Variants in TRPM5 observed in about 807,000 individuals in gnomAD.
TRPM5 encodes MLSN1 and TRP-related.
Under a neutral mutation model 124.9 loss-of-function variants are expected in TRPM5, and 121 were observed. The observed-to-expected ratio is 0.97, with a 90% CI of 0.84 to 1.13. The LOEUF (loss-of-function observed/expected upper bound fraction) is 1.13. TRPM5 is among the 50% of genes most tolerant of loss of function. The pLI, the probability that TRPM5 is intolerant of heterozygous loss-of-function variation, is 0.00. For missense variants in TRPM5, 1,643 were observed against 1,589.1 expected (o/e 1.03, Z -0.58); for synonymous variants, 781 against 700.5 (o/e 1.11, Z -1.81).
chr11:2,416,443 A>G lies in TRPM5; in HGVS notation c.1010-419T>C, dbSNP rs371495631. Among the ~76,000 whole-genome samples, 189 of 152,204 alleles carry G rather than the reference A, an allele frequency of 1.2e-3. 7 individuals carry two copies. In the South Asian group the frequency reaches 0.038, roughly 31 times the overall value. ...CTTGGTGAGGTCACCAGGGTCACTC[A>G]AGGGGGGCCTGCAGCACCTGGGCTG... On this transcript the variant is annotated intron_variant, in intron 7 of 23. Transcript: ENST00000155858.
At chr11:2,418,269 G>C in exon 6 of TRPM5, 1 of 1,582,186 alleles carries the variant, frequency 6.3e-7, no homozygotes, top group Non-Finnish European at 8.6e-7. Flanking sequence ...GGTGGGGCTG[G>C]TTCACTAGGG....
chr11:2,413,101 C>T, intron 14 of TRPM5, 33 bp downstream of exon 19: 1 of 1,549,650 alleles, frequency 6.5e-7, no homozygotes, highest in Non-Finnish European at 8.7e-7. Flanking sequence ...ACCCGCCAGT[C>T]CCCTCCACCC....
intron 12 of TRPM5, 52 bp downstream of exon 17, chr11:2,414,009 G>GGGGGGGCGCCCCCCCCCCC: frequency 9.8e-7 from 1 of 1,023,732 alleles, no homozygotes; most frequent in Non-Finnish European, 1.4e-6. Context: ...GGCCCAGCTC[G>GGGGGGGCGCCCCCCCCCCC]CCCGCCCACC....
chr11:2,434,545 G>A, the TRPM5 span, among the ~76,000 whole-genome samples: 3 of 151,666 alleles, frequency 2.0e-5, no homozygotes, highest in Non-Finnish European at 4.4e-5. Context: ...GTATGAGTGT[G>A]TGTGAGTGTA....
In TRPM5 at chr11:2,420,255, TCTCCAGCC is replaced by T. The variant is rs772768122; in HGVS notation, c.608_615del (p.Arg203LysfsTer28). ...CCCGCCCTCTGCTCCGAGATGTGCT[TCTCCAGCC>T]TCAGCCGCAGCTCCGTCAGCCCATC... On this transcript the variant is annotated frameshift_variant, in exon 4 of 24. Coordinates refer to ENST00000155858, the Ensembl canonical transcript of TRPM5. LOFTEE classifies it high-confidence loss of function. The T allele has an allele frequency of 6.2e-7, 1 of 1,609,814 alleles. No individual in the cohort carries two copies. Among genetic ancestry groups the T allele is most frequent in the Non-Finnish European group, 8.5e-7 (1 of 1,179,770 alleles).
Position 2,407,739 on chromosome 11 carries a change from C to T in TRPM5, c.2936+20G>A. On this transcript the variant is annotated intron_variant, in intron 19 of 23. Coordinates refer to ENST00000155858, the Ensembl canonical transcript of TRPM5. The stretch of plus-strand genomic sequence containing the variant: ...CCCTCCGCTCCAGGGCTCTCTCCTC[C>T]AGGGGTTGGGTGGAGTCACCTGAAC... The T allele has an allele frequency of 6.2e-7, 1 of 1,612,170 alleles. No individual in the cohort carries two copies. Among genetic ancestry groups the T allele is most frequent in the South Asian group, 1.1e-5 (1 of 90,948 alleles).
the TRPM5 span, among the ~76,000 whole-genome samples, chr11:2,441,378 T>C: frequency 1.2e-4 from 18 of 152,032 alleles, no homozygotes; most frequent in African/African-American, 4.3e-4. This position sits in a 1 kb window ranked among gnomAD's most constrained non-coding sequence, Gnocchi z 7.2. Flanking sequence ...TTGTCTGTCC[T>C]ACCAGGCCAT....
intron 3 of TRPM5, 102 bp downstream of exon 8, chr11:2,420,930 G>T (rs1394347254): frequency 6.1e-6 from 8 of 1,305,548 alleles, no homozygotes; most frequent in Non-Finnish European, 8.1e-6. Context: ...TCTTCCTCCA[G>T]CTCGAGTCCT....
At chr11:2,410,282 T>C (rs1202664592) in intron 18 of TRPM5, among the ~76,000 whole-genome samples, 1 of 152,184 alleles carries the variant, frequency 6.6e-6, no homozygotes, top group East Asian at 1.9e-4. Flanking sequence ...AGGCCTGTGT[T>C]TGCTCCGGTC....
chr11:2,406,731 TCTC>T (rs1233354135), exon 21 of TRPM5: 4 of 1,613,572 alleles, frequency 2.5e-6, no homozygotes, highest in Non-Finnish European at 3.4e-6. Context: ...CTCAGGAAGT[TCTC>T]CTTCTGGACT....
At chr11:2,411,512 G>C (rs760983617) in exon 18 of TRPM5, 48 of 1,608,804 alleles carry the variant, frequency 3.0e-5, no homozygotes, top group Non-Finnish European at 3.8e-5. Context: ...AGAGGAAGAA[G>C]AAGACGTCCT....
intron 18 of TRPM5, among the ~76,000 whole-genome samples, chr11:2,409,012 T>TG (rs535621526): frequency 1.0e-3 from 152 of 152,312 alleles, no homozygotes; most frequent in African/African-American, 3.5e-3. Flanking sequence ...CGGTGGGTTC[T>TG]GGGGGGTCTC....
intron 1 of TRPM5, among the ~76,000 whole-genome samples, chr11:2,422,574 C>T (rs1193208860): frequency 6.6e-6 from 1 of 152,122 alleles, no homozygotes; most frequent in South Asian, 2.1e-4. Context: ...CTCCCTTGAC[C>T]TGCTGTGTGA....
the TRPM5 span, among the ~76,000 whole-genome samples, chr11:2,430,612 T>C: frequency 2.0e-5 from 3 of 151,658 alleles, no homozygotes; most frequent in Non-Finnish European, 4.4e-5. Context: ...GTTTTGGTGG[T>C]GGTGATGTTG....
chr11:2,439,596 T>C, the TRPM5 span, among the ~76,000 whole-genome samples: 2 of 152,126 alleles, frequency 1.3e-5, no homozygotes. Flanking sequence ...CACTAATCAT[T>C]AGAGAAATGC....
At chr11:2,428,927 GTGA>G in the TRPM5 span, among the ~76,000 whole-genome samples, 1 of 101,068 alleles carries the variant, frequency 9.9e-6, no homozygotes, top group Non-Finnish European at 1.8e-5. This position sits in a 1 kb window ranked among gnomAD's most constrained non-coding sequence, Gnocchi z 4.0. Context: ...GTTGGTGATG[GTGA>G]TGGTGGTGGT....
intron 18 of TRPM5, among the ~76,000 whole-genome samples, chr11:2,408,892 A>G (rs1467614872): frequency 6.6e-6 from 1 of 152,082 alleles, no homozygotes; most frequent in Non-Finnish European, 1.5e-5. Context: ...TGTACATGTG[A>G]TTGGATGTGC....
chr11:2,444,106 C>T, the TRPM5 span, among the ~76,000 whole-genome samples: 4 of 152,200 alleles, frequency 2.6e-5, no homozygotes, highest in Non-Finnish European at 4.4e-5. Context: ...CGCCCCCACC[C>T]CCCAGCAGCC....
Position 2,418,595 on chromosome 11 carries a change from T to C in TRPM5, c.650-4A>G, listed in dbSNP as rs1212032537. On this transcript the variant is annotated splice_polypyrimidine_tract_variant and splice_region_variant and intron_variant, in intron 4 of 23. Transcript: ENST00000155858. ...GGGATCTCGATGCTGCCAGTGCCTG[T>C]GGACAGGGCACCCGTGAGGCCTGAG... 1.9e-6 allele frequency: 3 copies of C among 1,610,504 alleles called. No individual in the cohort carries two copies.
Sources: allele counts gnomAD v4.1 joint callset (sites outside exome capture counted in the v4.1 genomes callset), GRCh38; gene constraint gnomAD v4.1.1; non-coding constraint Gnocchi (gnomAD v3.1); transcripts MANE v1.5; gene names NCBI Gene and HGNC (gene_info 2026-07-23, HGNC 2026-07-21).